Variants in ROBO2 observed in about 807,000 individuals in gnomAD.
ROBO2 encodes the protein roundabout homolog 2.
ROBO2 carries 53 observed loss-of-function variants against 160.8 expected under a neutral mutation model. The ratio of observed to expected loss-of-function variants is 0.33; its 90% CI spans 0.26 to 0.41. The LOEUF (loss-of-function observed/expected upper bound fraction) is 0.41. Among genes scored for constraint, ROBO2 ranks in the 10% least tolerant of loss-of-function variants. The pLI is 1.00. For missense variants in ROBO2, 1,577 were observed against 1,722.4 expected (o/e 0.92, Z 1.49); for synonymous variants, 664 against 611.7 (o/e 1.09, Z -1.26).
At chr3:77,474,021 AAAG>A (rs2083681162) in intron 2 of ROBO2, among the ~76,000 whole-genome samples, 2 of 152,116 alleles carry the variant, frequency 1.3e-5, no homozygotes, top group Admixed American at 6.5e-5. Context: ...CGGACCTACC[AAAG>A]AAGAAAACCA....
intron 2 of ROBO2, among the ~76,000 whole-genome samples, chr3:76,975,371 G>A (rs1357784893): frequency 6.6e-6 from 1 of 152,134 alleles, no homozygotes; most frequent in Non-Finnish European, 1.5e-5. Flanking sequence ...CAGGCATGGT[G>A]GGAGGTGCCT....
At chr3:76,991,199 A>G (rs553317500) in intron 2 of ROBO2, among the ~76,000 whole-genome samples, 1 of 152,274 alleles carries the variant, frequency 6.6e-6, no homozygotes, top group South Asian at 2.1e-4. Context: ...GGAGGGAAGA[A>G]TTGAGCTTGC....
chr3:77,022,517 C>T (rs1300537408), intron 2 of ROBO2, among the ~76,000 whole-genome samples: 1 of 152,202 alleles, frequency 6.6e-6, no homozygotes, highest in Non-Finnish European at 1.5e-5. Context: ...CGTATGCTTT[C>T]TGTCCAGTCA....
intron 2 of ROBO2, among the ~76,000 whole-genome samples, chr3:77,242,137 T>C (rs555921607): frequency 6.6e-6 from 1 of 152,210 alleles, no homozygotes; most frequent in Non-Finnish European, 1.5e-5. Context: ...TGGCAGGGAC[T>C]ATTAGTGTTA....
rs139843077 is a variant in ROBO2 at position 76,988,158 on chromosome 3, A to T, written c.110-109856A>T. Reference sequence around the variant, plus strand: ...TGTTAGAAAAGTAGATTTTTAAAATAATCAGTTGATGTACTCATTTTTATT... The same window carrying T: ...TGTTAGAAAAGTAGATTTTTAAAATTATCAGTTGATGTACTCATTTTTATT... On this transcript the variant is annotated intron_variant, in intron 2 of 26. Transcript: ENST00000487694. Among the ~76,000 whole-genome samples the T allele has an allele frequency of 3.9e-3, 598 of 152,264 alleles. 4 individuals carry two copies. Among genetic ancestry groups the T allele is most frequent in the African/African-American group, 0.014 (572 of 41,544 alleles).
At chr3:77,060,736 A>T (rs2066216706) in intron 1 of ROBO2, among the ~76,000 whole-genome samples, 1 of 152,184 alleles carries the variant, frequency 6.6e-6, no homozygotes, top group African/African-American at 2.4e-5. Context: ...TCAGGCAAAT[A>T]TCAAAGTTAT....
intron 2 of ROBO2, among the ~76,000 whole-genome samples, chr3:76,935,293 A>G (rs929163053): frequency 2.0e-5 from 3 of 152,206 alleles, no homozygotes; most frequent in African/African-American, 7.2e-5. Flanking sequence ...CAGTATCCAC[A>G]GCTTTTGTAT....
chr3:77,115,401 T>C (rs2074099090), intron 2 of ROBO2, among the ~76,000 whole-genome samples: 1 of 152,182 alleles, frequency 6.6e-6, no homozygotes, highest in South Asian at 2.1e-4. Context: ...CGCTATGTCA[T>C]CTTCAAAGTT....
intron 2 of ROBO2, among the ~76,000 whole-genome samples, chr3:76,377,311 T>A (rs2076395918): frequency 1.3e-5 from 2 of 152,170 alleles, no homozygotes; most frequent in Non-Finnish European, 2.9e-5. Flanking sequence ...GTTAATAGGA[T>A]AGCCCCATGA....
intron 2 of ROBO2, among the ~76,000 whole-genome samples, chr3:76,154,648 A>G (rs1446667429): frequency 6.6e-6 from 1 of 152,110 alleles, no homozygotes; most frequent in Non-Finnish European, 1.5e-5. Flanking sequence ...TTTTCAATGT[A>G]CTCTGCTTTC....
intron 2 of ROBO2, among the ~76,000 whole-genome samples, chr3:77,161,370 GTTAAT>G (rs1344208853): frequency 6.6e-6 from 1 of 152,140 alleles, no homozygotes; most frequent in African/African-American, 2.4e-5. Flanking sequence ...TACCACCAGT[GTTAAT>G]TTAGTATAGT....
intron 2 of ROBO2, among the ~76,000 whole-genome samples, chr3:76,442,964 G>A (rs137857441): frequency 1.4e-3 from 210 of 152,160 alleles, no homozygotes; most frequent in South Asian, 8.3e-3. Flanking sequence ...AATCGAAGCT[G>A]GGTAATTTAT....
intron 2 of ROBO2, among the ~76,000 whole-genome samples, chr3:77,261,749 C>A (rs1465118851): frequency 1.3e-5 from 2 of 150,062 alleles, no homozygotes; most frequent in Non-Finnish European, 2.9e-5. Context: ...TGCTTTGTTG[C>A]CAAAGGATTT....
intron 2 of ROBO2, among the ~76,000 whole-genome samples, chr3:77,360,461 G>C (rs7642695): frequency 0.26 from 40,039 of 152,084 alleles, 6,692 homozygotes; most frequent in Non-Finnish European, 0.37. Flanking sequence ...AACTTTGTCA[G>C]TCAGTATCTA....
At chr3:76,412,501 C>G (rs766533148) in intron 2 of ROBO2, among the ~76,000 whole-genome samples, 1 of 152,172 alleles carries the variant, frequency 6.6e-6, no homozygotes, top group Non-Finnish European at 1.5e-5. Flanking sequence ...AAATCAAAAG[C>G]CAGCTAGTTA....
intron 2 of ROBO2, among the ~76,000 whole-genome samples, chr3:76,557,904 C>T (rs1453689488): frequency 6.7e-6 from 1 of 149,914 alleles, no homozygotes; most frequent in African/African-American, 2.4e-5. Flanking sequence ...AAAAAAACTA[C>T]TTGTTTACTT....
At chr3:77,269,596 G>A (rs578186221) in intron 2 of ROBO2, among the ~76,000 whole-genome samples, 1 of 142,536 alleles carries the variant, frequency 7.0e-6, no homozygotes, top group Non-Finnish European at 1.6e-5. Context: ...AACATGGTTG[G>A]TAAGGAGTTT....
At chr3:77,505,267 T>A (rs746949486) in intron 5 of ROBO2, among the ~76,000 whole-genome samples, 6 of 152,070 alleles carry the variant, frequency 3.9e-5, no homozygotes, top group Non-Finnish European at 4.4e-5. Context: ...GTTTAGGGAA[T>A]ACATTGAGTG....
At chr3:77,136,213 AAG>A (rs2076265217) in intron 2 of ROBO2, among the ~76,000 whole-genome samples, 1 of 152,204 alleles carries the variant, frequency 6.6e-6, no homozygotes, top group South Asian at 2.1e-4. Flanking sequence ...AGGAGGCAGT[AAG>A]ATAATTAAGG....
Sources: allele counts gnomAD v4.1 joint callset (sites outside exome capture counted in the v4.1 genomes callset), GRCh38; gene constraint gnomAD v4.1.1; transcripts MANE v1.5; gene names NCBI Gene and HGNC (gene_info 2026-07-23, HGNC 2026-07-21).